The following PCDHGA2 variants were observed in gnomAD, a reference collection of about 807,000 sequenced individuals.
The protein encoded by PCDHGA2 is protocadherin gamma subfamily A, 2.
In PCDHGA2, 40 loss-of-function variants were observed where a neutral mutation model predicts 59.2. The ratio of observed to expected loss-of-function variants is 0.68; its 90% CI spans 0.52 to 0.88. The LOEUF (loss-of-function observed/expected upper bound fraction) is 0.88. PCDHGA2 is among the 40% of genes least tolerant of loss of function. The pLI is 0.00. For missense variants in PCDHGA2, 1,226 were observed against 1,204.0 expected (o/e 1.02, Z -0.27); for synonymous variants, 560 against 526.0 (o/e 1.06, Z -0.89).
At chr5:141,473,343 T>G (rs1309426537) in intron 1 of PCDHGA2, among the ~76,000 whole-genome samples, 1 of 152,218 alleles carries the variant, frequency 6.6e-6, no homozygotes, top group African/African-American at 2.4e-5. Context: ...TGCTAGACAG[T>G]GAGGATGCAA....
In PCDHGA2 at chr5:141,375,116, C is replaced by G. The variant is rs754682469; in HGVS notation, c.2424+33721C>G. On this transcript the variant is annotated intron_variant, in intron 1 of 3. Coordinates refer to ENST00000394576, the MANE Select transcript of PCDHGA2 (RefSeq NM_018915.4). ...TATCTTGGATGTCAATGATAATGTA[C>G]CAGAAGTGGTTGTTACATCTGGAAG... 4 of 1,613,768 alleles carry G rather than the reference C, an allele frequency of 2.5e-6. No individual in the cohort carries two copies. The highest frequency in any genetic ancestry group is 3.4e-6 in the Non-Finnish European group (4 of 1,179,904).
At chr5:141,470,795 C>T (rs947636574) in intron 1 of PCDHGA2, among the ~76,000 whole-genome samples, 2 of 152,182 alleles carry the variant, frequency 1.3e-5, no homozygotes, top group Non-Finnish European at 2.9e-5. Context: ...TCAAGCAATC[C>T]TCCCACTTCA....
chr5:141,365,800 C>A, intron 1 of PCDHGA2: 1 of 1,613,914 alleles, frequency 6.2e-7, no homozygotes, highest in Middle Eastern at 1.6e-4. Flanking sequence ...TCACCTACTC[C>A]CTGGCTGAAG....
intron 1 of PCDHGA2, among the ~76,000 whole-genome samples, chr5:141,402,590 A>G (rs1379327637): frequency 6.6e-6 from 1 of 152,238 alleles, no homozygotes; most frequent in Admixed American, 6.5e-5. Flanking sequence ...TAAAAAATAG[A>G]TTGCTTTTGA....
intron 1 of PCDHGA2, chr5:141,375,556 G>A (rs750283278): frequency 2.9e-5 from 47 of 1,614,044 alleles, no homozygotes; most frequent in Non-Finnish European, 4.0e-5. Context: ...CCTACTCACT[G>A]GCAGAAGACA....
At chr5:141,351,106 A>G (rs1258132619) in intron 1 of PCDHGA2, 1 of 1,614,066 alleles carries the variant, frequency 6.2e-7, no homozygotes, top group Non-Finnish European at 8.5e-7. Flanking sequence ...TCAATTCCCC[A>G]ATAAGTACCA....
chr5:141,490,565 T>C lies in PCDHGA2; in HGVS notation c.2425-4242T>C. ...CTACACAAACATCTCACCATCAGGC[T>C]CAACATTTCAGATGTCAATGACAAT... On this transcript the variant is annotated intron_variant, in intron 1 of 3. Coordinates refer to ENST00000394576, the MANE Select transcript of PCDHGA2 (RefSeq NM_018915.4). This position sits in a 1 kb window ranked among gnomAD's most constrained non-coding sequence, Gnocchi z 5.4. 8 of 1,614,116 alleles carry C rather than the reference T, an allele frequency of 5.0e-6. No individual in the cohort carries two copies. Among genetic ancestry groups the C allele is most frequent in the Non-Finnish European group, 6.8e-6 (8 of 1,180,024 alleles).
Position 141,340,517 on chromosome 5 carries a change from G to A in PCDHGA2, c.1546G>A (p.Ala516Thr), listed in dbSNP as rs1306094662. Residue 516 changes from alanine (A) to threonine (T), a missense_variant, in exon 1 of 4, where the codon GCA becomes ACA. Transcript: ENST00000394576. ...CAACTCCGACACTGGAGTACTCTATGCACTGCGCTCCTTTGATTATGAGCA... is the reference window on the plus strand; with the variant it reads ...CAACTCCGACACTGGAGTACTCTATACACTGCGCTCCTTTGATTATGAGCA... ...SINSDTGVLY[A>T]LRSFDYEQLR... 1.2e-6 allele frequency: 2 copies of A among 1,614,236 alleles called. No homozygotes were observed. Among genetic ancestry groups the A allele is most frequent in the Non-Finnish European group, 1.7e-6 (2 of 1,180,048 alleles).
Position 141,486,288 on chromosome 5 carries a change from T to C in PCDHGA2, c.2425-8519T>C. 5 of 1,613,996 alleles carry C rather than the reference T, an allele frequency of 3.1e-6. No individual in the cohort carries two copies. The highest frequency in any genetic ancestry group is 4.2e-6 in the Non-Finnish European group (5 of 1,179,986). ...GAACCTGGCACTGTGGTGGCACTTA[T>C]CAGTGTGCAGGATCCAGACTCAGGG... On this transcript the variant is annotated intron_variant, in intron 1 of 3. Coordinates refer to ENST00000394576, the MANE Select transcript of PCDHGA2 (RefSeq NM_018915.4). The surrounding 1 kb of genome is among the most constrained non-coding windows in gnomAD (Gnocchi z 5.0).
chr5:141,352,574 C>T (rs1759049490), intron 1 of PCDHGA2: 1 of 1,613,842 alleles, frequency 6.2e-7, no homozygotes, highest in Non-Finnish European at 8.5e-7. Context: ...GGAAATGGCT[C>T]CCCCTCAGGA....
intron 1 of PCDHGA2, chr5:141,367,919 A>G (rs1225899144): frequency 1.3e-5 from 2 of 152,164 alleles, no homozygotes; most frequent in Non-Finnish European, 2.9e-5. Flanking sequence ...AAAAAAAAGA[A>G]CTCAACTTAA....
chr5:141,373,969 C>T, intron 1 of PCDHGA2: 2 of 1,010,234 alleles, frequency 2.0e-6, no homozygotes, highest in Non-Finnish European at 2.7e-6. Context: ...TGAAACGCTT[C>T]GCATCCGGTC....
intron 1 of PCDHGA2, chr5:141,395,843 A>T (rs570175269): frequency 2.0e-5 from 3 of 152,044 alleles, no homozygotes; most frequent in Non-Finnish European, 4.4e-5. Flanking sequence ...TTGGTGGGAG[A>T]TGAGACTGGT....
chr5:141,427,896 C>G, intron 1 of PCDHGA2: 1 of 1,570,508 alleles, frequency 6.4e-7, no homozygotes, highest in East Asian at 2.2e-5. Context: ...CCAGGGCTCG[C>G]CCGCGCTCAG....
chr5:141,358,805 A>G (rs1327444568), intron 1 of PCDHGA2, among the ~76,000 whole-genome samples: 1 of 152,166 alleles, frequency 6.6e-6, no homozygotes, highest in South Asian at 2.1e-4. Flanking sequence ...GACTGATATG[A>G]TTTACGCTGC....
At chr5:141,419,775 G>C in intron 1 of PCDHGA2, 1 of 1,614,016 alleles carries the variant, frequency 6.2e-7, no homozygotes, top group Non-Finnish European at 8.5e-7. Flanking sequence ...GACTCGGTCC[G>C]CCAGCGCCTG....
At chr5:141,410,161 ACT>A (rs758781174) in intron 1 of PCDHGA2, 27 of 1,613,102 alleles carry the variant, frequency 1.7e-5, no homozygotes, top group South Asian at 1.1e-5. Flanking sequence ...GACAGCCGCC[ACT>A]CTCTGCCACC....
At chr5:141,371,827 A>T in intron 1 of PCDHGA2, 1 of 1,613,784 alleles carries the variant, frequency 6.2e-7, no homozygotes, top group Non-Finnish European at 8.5e-7. Flanking sequence ...AGAGCCTCGG[A>T]TCCCGACTTG....
Position 141,339,371 on chromosome 5 carries a change from G to C in PCDHGA2, c.400G>C (p.Gly134Arg). The change falls in exon 1 of 4, where the codon GGA becomes CGA. Residue 134 changes from glycine to arginine, a missense_variant. Physicochemically the swap from Gly to Arg is moderately radical, Grantham distance 125. Coordinates refer to ENST00000394576, the MANE Select transcript of PCDHGA2 (RefSeq NM_018915.4). Reference sequence around the variant, plus strand: ...TATTAACGATAATGCCCCTCGCTTTGGAGTAGAGGAACTGGAGCTAAAAAT... The same window carrying C: ...TATTAACGATAATGCCCCTCGCTTTCGAGTAGAGGAACTGGAGCTAAAAAT... Reference protein sequence around the residue: ...TDINDNAPRFGVEELELKISE... With the variant: ...TDINDNAPRFRVEELELKISE... 6.2e-7 allele frequency: 1 copy of C among 1,614,204 alleles called. No homozygotes were observed. The highest frequency in any genetic ancestry group is 1.1e-5 in the South Asian group (1 of 91,082).
Sources: allele counts gnomAD v4.1 joint callset (sites outside exome capture counted in the v4.1 genomes callset), GRCh38; gene constraint gnomAD v4.1.1; non-coding constraint Gnocchi (gnomAD v3.1); transcripts MANE v1.5; gene names NCBI Gene and HGNC (gene_info 2026-07-23, HGNC 2026-07-21).